The following MATCAP2 variants were observed in gnomAD, a reference collection of about 807,000 sequenced individuals.
MATCAP2 encodes microtubule associated tyrosine carboxypeptidase 2, also known as putative tyrosine carboxypeptidase MATCAP2.
chr7:36,366,134 T>C, the MATCAP2 span, among the ~76,000 whole-genome samples: 1 of 152,164 alleles, frequency 6.6e-6, no homozygotes, highest in East Asian at 1.9e-4. Context: ...GTTTGAGGAG[T>C]ATTTCCCTTT....
the MATCAP2 span, among the ~76,000 whole-genome samples, chr7:36,363,093 C>T: frequency 8.0e-4 from 122 of 152,110 alleles, no homozygotes; most frequent in African/African-American, 2.7e-3. Flanking sequence ...AGTTGCCTGA[C>T]GGTTGAGGAA....
chr7:36,377,950 AT>A, the MATCAP2 span, among the ~76,000 whole-genome samples: 1 of 152,194 alleles, frequency 6.6e-6, no homozygotes, highest in Non-Finnish European at 1.5e-5. Flanking sequence ...TTTGAGCTCC[AT>A]CAGGTCATTT....
chr7:36,379,057 G>A, the MATCAP2 span, among the ~76,000 whole-genome samples: 18,465 of 152,226 alleles, frequency 0.12, 1,167 homozygotes, highest in East Asian at 0.19. Context: ...GCACTTCCTG[G>A]GTGAGGTGAT....
At chr7:36,343,629 G>GA in the MATCAP2 span, among the ~76,000 whole-genome samples, 3 of 59,428 alleles carry the variant, frequency 5.0e-5, no homozygotes, top group East Asian at 6.8e-4. Context: ...GGAAGGAAAA[G>GA]AAAAGAAAAA....
At chr7:36,340,920 A>G in the MATCAP2 span, among the ~76,000 whole-genome samples, 2 of 152,336 alleles carry the variant, frequency 1.3e-5, no homozygotes, top group South Asian at 4.1e-4. Flanking sequence ...GAAAAAGGAA[A>G]CAGTAGCTTT....
At chr7:36,342,899 T>A in the MATCAP2 span, among the ~76,000 whole-genome samples, 1 of 152,182 alleles carries the variant, frequency 6.6e-6, no homozygotes, top group African/African-American at 2.4e-5. Flanking sequence ...GTGTTAGAAT[T>A]ATAGGCGTGA....
the MATCAP2 span, among the ~76,000 whole-genome samples, chr7:36,344,121 G>C: frequency 1.3e-5 from 2 of 152,256 alleles, no homozygotes; most frequent in East Asian, 1.9e-4. Context: ...AGGATGTCTA[G>C]AATAACCTGC....
the MATCAP2 span, among the ~76,000 whole-genome samples, chr7:36,342,851 C>A: frequency 6.6e-6 from 1 of 152,172 alleles, no homozygotes; most frequent in Non-Finnish European, 1.5e-5. Context: ...TTCTTGAACT[C>A]CTGAGCTCAG....
At chr7:36,364,043 C>T in the MATCAP2 span, among the ~76,000 whole-genome samples, 3 of 149,992 alleles carry the variant, frequency 2.0e-5, no homozygotes, top group Non-Finnish European at 4.4e-5. Context: ...TATAATAAAC[C>T]CTTTTTTTTT....
chr7:36,388,770 C>T, the MATCAP2 span, among the ~76,000 whole-genome samples: 24 of 152,134 alleles, frequency 1.6e-4, no homozygotes, highest in Non-Finnish European at 3.2e-4. Context: ...TTAACGTTTT[C>T]GGGTGTCCCT....
chr7:36,385,854 AGATAAAG>A, the MATCAP2 span, among the ~76,000 whole-genome samples: 1 of 150,074 alleles, frequency 6.7e-6, no homozygotes, highest in Admixed American at 6.7e-5. Context: ...AAATAAAATA[AGATAAAG>A]AAAGAACTGT....
At chr7:36,358,655 CTG>C in the MATCAP2 span, among the ~76,000 whole-genome samples, 1 of 152,178 alleles carries the variant, frequency 6.6e-6, no homozygotes, top group Non-Finnish European at 1.5e-5. Context: ...TACTTTAAAA[CTG>C]TGTTGATCTG....
chr7:36,379,839 C>CAG, the MATCAP2 span, among the ~76,000 whole-genome samples: 39 of 131,602 alleles, frequency 3.0e-4, no homozygotes, highest in South Asian at 1.1e-3. Context: ...CACACACACA[C>CAG]ACACACACAG....
the MATCAP2 span, among the ~76,000 whole-genome samples, chr7:36,332,424 A>G: frequency 1.3e-5 from 2 of 152,180 alleles, no homozygotes; most frequent in African/African-American, 2.4e-5. Context: ...GCTTATCTGA[A>G]ATCCCGCCTG....
the MATCAP2 span, among the ~76,000 whole-genome samples, chr7:36,362,799 T>C: frequency 6.6e-6 from 1 of 152,188 alleles, no homozygotes; most frequent in Admixed American, 6.5e-5. Context: ...TAGATTAATA[T>C]CCACTCATCT....
At chr7:36,361,354 G>A in the MATCAP2 span, among the ~76,000 whole-genome samples, 4 of 152,190 alleles carry the variant, frequency 2.6e-5, no homozygotes, top group African/African-American at 7.2e-5. Context: ...TAATCAGGAG[G>A]TCTCTGGCTG....
the MATCAP2 span, among the ~76,000 whole-genome samples, chr7:36,374,981 A>C: frequency 1.3e-5 from 2 of 152,218 alleles, no homozygotes; most frequent in Non-Finnish European, 2.9e-5. Context: ...GCTATTGTGA[A>C]TAGTGCTGCA....
the MATCAP2 span, among the ~76,000 whole-genome samples, chr7:36,338,874 A>G: frequency 2.6e-5 from 4 of 152,364 alleles, no homozygotes; most frequent in South Asian, 8.3e-4. Context: ...AGGTTTTCAG[A>G]TAACTTAACT....
the MATCAP2 span, chr7:36,334,307 C>A: frequency 1.6e-6 from 1 of 625,608 alleles, no homozygotes; most frequent in Non-Finnish European, 2.8e-6. Flanking sequence ...AAGGCCGAGG[C>A]ATGCGGATCA....
Sources: allele counts gnomAD v4.1 joint callset (sites outside exome capture counted in the v4.1 genomes callset), GRCh38; gene constraint gnomAD v4.1.1; transcripts MANE v1.5; gene names NCBI Gene and HGNC (gene_info 2026-07-23, HGNC 2026-07-21).